Variants in WDR7 observed in about 807,000 individuals in gnomAD.
The protein encoded by WDR7 is WD repeat-containing protein 7.
A neutral mutation model predicts 169.4 loss-of-function variants in WDR7; 46 were observed. That is an observed-to-expected ratio of 0.27 (90% CI 0.21 to 0.35). The LOEUF (loss-of-function observed/expected upper bound fraction) is 0.35, where lower values mean the gene tolerates loss of function less well. WDR7 is among the 10% of genes least tolerant of loss of function. The probability of loss-of-function intolerance (pLI) is 1.00; values close to 1 mark genes in which losing one functional copy is unlikely to be tolerated. For missense variants in WDR7, 1,534 were observed against 1,859.3 expected, an observed-to-expected ratio of 0.83 and a Z score of 3.22; for synonymous variants, 612 against 666.8, an observed-to-expected ratio of 0.92 and a Z score of 1.27.
chr18:56,987,727 A>G (rs559519492), intron 26 of WDR7, among the ~76,000 whole-genome samples: 4 of 152,326 alleles, frequency 2.6e-5, no homozygotes, highest in East Asian at 1.9e-4. Flanking sequence ...AGTAAAGAGT[A>G]TATCACGTTA....
intron 22 of WDR7, among the ~76,000 whole-genome samples, chr18:56,934,715 T>G (rs1171171898): frequency 6.6e-6 from 1 of 152,150 alleles, no homozygotes; most frequent in Non-Finnish European, 1.5e-5. Context: ...GGTTCTTAGA[T>G]CAATTATAGA....
At chr18:56,980,181 G>C (rs186432641) in intron 26 of WDR7, among the ~76,000 whole-genome samples, 36 of 152,254 alleles carry the variant, frequency 2.4e-4, no homozygotes, top group African/African-American at 8.4e-4. Flanking sequence ...GTTCCTGGGT[G>C]CTCCCATTTT....
intron 14 of WDR7, among the ~76,000 whole-genome samples, chr18:56,741,022 T>C (rs1209495910): frequency 6.6e-6 from 1 of 152,186 alleles, no homozygotes; most frequent in Non-Finnish European, 1.5e-5. Flanking sequence ...AGCCAACATG[T>C]CTAAGATTGA....
At chr18:56,764,144 C>T (rs2044025592) in intron 16 of WDR7, among the ~76,000 whole-genome samples, 1 of 151,928 alleles carries the variant, frequency 6.6e-6, no homozygotes, top group African/African-American at 2.4e-5. Context: ...TAAAACCTTT[C>T]TCCTTTTCTA....
intron 19 of WDR7, among the ~76,000 whole-genome samples, chr18:56,791,899 A>G (rs779589189): frequency 1.3e-5 from 2 of 152,176 alleles, no homozygotes; most frequent in Admixed American, 1.3e-4. Flanking sequence ...TCAAAAGACG[A>G]TTCTTGTAAG....
intron 26 of WDR7, among the ~76,000 whole-genome samples, chr18:56,967,831 T>C (rs1476448471): frequency 3.3e-5 from 5 of 152,220 alleles, no homozygotes; most frequent in African/African-American, 4.8e-5. Context: ...TCCTCTCATA[T>C]ACTTTAAATC....
chr18:56,850,543 T>G (rs1290361105), intron 20 of WDR7, among the ~76,000 whole-genome samples: 1 of 152,208 alleles, frequency 6.6e-6, no homozygotes, highest in African/African-American at 2.4e-5. Flanking sequence ...AGAATCTCCC[T>G]CTTTTACCCA....
At chr18:56,991,381 G>A (rs1198499418) in intron 26 of WDR7, among the ~76,000 whole-genome samples, 7 of 152,120 alleles carry the variant, frequency 4.6e-5, no homozygotes, top group East Asian at 1.9e-4. Flanking sequence ...TTCTGACCTC[G>A]TGATCCGCCT....
chr18:56,731,606 T>C lies in WDR7; in HGVS notation c.1989+9T>C. On this transcript the variant is annotated intron_variant, in intron 14 of 27. Transcript: ENST00000254442. ...CTGAGGCATCTGACAAGGTAAGTTT[T>C]ATATGTGGGCCCATGAAGTGTGTAG... The C allele has an allele frequency of 1.2e-6, 2 of 1,612,930 alleles. No individual in the cohort carries two copies. Among genetic ancestry groups the C allele is most frequent in the Non-Finnish European group, 1.7e-6 (2 of 1,179,512 alleles).
intron 19 of WDR7, among the ~76,000 whole-genome samples, chr18:56,809,359 A>G (rs1199643541): frequency 2.0e-5 from 3 of 151,204 alleles, no homozygotes; most frequent in East Asian, 1.9e-4. Flanking sequence ...GCCATGAGAT[A>G]AAGTATTCAG....
intron 26 of WDR7, among the ~76,000 whole-genome samples, chr18:56,981,577 G>T (rs750962730): frequency 1.3e-5 from 2 of 152,204 alleles, no homozygotes; most frequent in Non-Finnish European, 2.9e-5. Flanking sequence ...AACAATGGGA[G>T]AGTGGATGGT....
intron 16 of WDR7, among the ~76,000 whole-genome samples, chr18:56,775,353 G>C (rs1395169962): frequency 6.6e-6 from 1 of 151,958 alleles, no homozygotes; most frequent in Non-Finnish European, 1.5e-5. Context: ...GGCTACCAAG[G>C]CTTACCAACT....
At chr18:57,025,824 T>TGCA (rs2048359352) in intron 27 of WDR7, among the ~76,000 whole-genome samples, 1 of 152,204 alleles carries the variant, frequency 6.6e-6, no homozygotes, top group Non-Finnish European at 1.5e-5. Context: ...CTGATCCACA[T>TGCA]GCAGGGGATG....
At chr18:56,665,597 C>A (rs522799) in intron 1 of WDR7, among the ~76,000 whole-genome samples, 139,297 of 152,236 alleles carry the variant, frequency 0.92, 64,883 homozygotes, top group Non-Finnish European at 1. Context: ...TGCAGTGTTC[C>A]ATTATAAAGC....
intron 20 of WDR7, among the ~76,000 whole-genome samples, chr18:56,823,806 G>A (rs918964509): frequency 6.6e-5 from 10 of 152,116 alleles, no homozygotes; most frequent in African/African-American, 2.2e-4. Flanking sequence ...ATATCTCTCA[G>A]TGGTTTTTGT....
At chr18:56,915,083 TTTCC>T (rs2046607237) in intron 21 of WDR7, among the ~76,000 whole-genome samples, 1 of 152,218 alleles carries the variant, frequency 6.6e-6, no homozygotes, top group South Asian at 2.1e-4. Flanking sequence ...TATTGTATGC[TTTCC>T]ATTAAAAGAA....
intron 16 of WDR7, among the ~76,000 whole-genome samples, chr18:56,774,951 ATC>A (rs1021337864): frequency 2.6e-5 from 4 of 152,086 alleles, no homozygotes; most frequent in African/African-American, 7.2e-5. Flanking sequence ...AATATCGAGA[ATC>A]TGTTTTTTTC....
At chr18:56,832,240 G>A (rs531727597) in intron 20 of WDR7, among the ~76,000 whole-genome samples, 37 of 152,310 alleles carry the variant, frequency 2.4e-4, no homozygotes, top group African/African-American at 8.9e-4. Flanking sequence ...TGGACTGGGC[G>A]GAGCCCACCG....
chr18:57,028,621 A>G lies in WDR7; in HGVS notation c.*1414A>G, dbSNP rs1016577913. The G allele has an allele frequency of 6.6e-6, 1 of 152,250 alleles. No homozygotes were observed. Among genetic ancestry groups the G allele is most frequent in the Non-Finnish European group, 1.5e-5 (1 of 68,046 alleles). 9.4% of individuals were successfully genotyped at this position (152,250 alleles called of 1,614,324 possible). On this transcript the variant is annotated 3_prime_UTR_variant, in exon 28 of 28. Coordinates refer to ENST00000254442, the MANE Select transcript of WDR7 (RefSeq NM_015285.3). Reference sequence around the variant, plus strand: ...AAGGAACCAAAATGATAATGGGAGAATTTAGTCTTAAAAGTTTAGGTTGTC... The same window carrying G: ...AAGGAACCAAAATGATAATGGGAGAGTTTAGTCTTAAAAGTTTAGGTTGTC...
Sources: gnomAD v4.1 joint callset for allele counts (sites outside exome capture counted in the v4.1 genomes callset) on GRCh38, gnomAD v4.1.1 for gene constraint, MANE v1.5 for transcripts, NCBI Gene and HGNC (gene_info 2026-07-23, HGNC 2026-07-21) for gene names.